The following TCOF1 variants were observed in gnomAD, a reference collection of about 807,000 sequenced individuals.
The protein encoded by TCOF1 is treacle ribosome biogenesis factor 1.
In TCOF1, 33 loss-of-function variants were observed where a neutral mutation model predicts 149.0. The ratio of observed to expected loss-of-function variants is 0.22; its 90% CI spans 0.17 to 0.30. The LOEUF is 0.30. TCOF1 is among the 10% of genes least tolerant of loss of function. The pLI, the probability that TCOF1 is intolerant of heterozygous loss-of-function variation, is 1.00. For synonymous variants in TCOF1, 789 were observed against 738.8 expected (o/e 1.07, Z -1.10); for missense variants, 1,728 against 1,840.7 (o/e 0.94, Z 1.12).
chr5:150,379,758 A>G lies in TCOF1; in HGVS notation c.2859+26A>G, dbSNP rs151344574. The G allele has an allele frequency of 1.9e-3, 3,087 of 1,610,050 alleles. 4 individuals are homozygous for G. The highest frequency in any genetic ancestry group is 2.4e-3 in the Non-Finnish European group (2,829 of 1,178,128). ...GTAAGACTTGCCAGGCCTCTGAGCC[A>G]CCAACACTCACTCCTCAGAACGGGG... is the stretch of plus-strand genomic sequence containing the variant. On this transcript the variant is annotated intron_variant, in intron 17 of 26. Coordinates refer to ENST00000643257, the MANE Select transcript of TCOF1 (RefSeq NM_001371623.1).
chr5:150,383,252 C>A, intron 17 of TCOF1: 1 of 1,240,456 alleles, frequency 8.1e-7, no homozygotes, highest in Non-Finnish European at 1.1e-6. Flanking sequence ...CAGATCTTGC[C>A]CATAGGGAAA....
chr5:150,367,826 G>A lies in TCOF1; in HGVS notation c.305-18G>A. 1.2e-6 allele frequency: 2 copies of A among 1,614,050 alleles called. No homozygotes were observed. The highest frequency in any genetic ancestry group is 1.7e-6 in the Non-Finnish European group (2 of 1,179,968). ...AAAAGCTCATCTGGCTCCTTTAGCA[G>A]ATGTTTGTTTCTTGCAGCCCCAAGA... is the stretch of plus-strand genomic sequence containing the variant. On this transcript the variant is annotated intron_variant, in intron 3 of 26. Coordinates refer to ENST00000643257, the MANE Select transcript of TCOF1 (RefSeq NM_001371623.1).
chr5:150,392,519 C>G, intron 21 of TCOF1, 186 bp from the exon 22 acceptor site: 1 of 642,680 alleles, frequency 1.6e-6, no homozygotes, highest in Non-Finnish European at 2.7e-6. Context: ...AATGTCGCAC[C>G]TAGCATGCTG....
chr5:150,370,485 A>G (rs572649785), intron 6 of TCOF1, among the ~76,000 whole-genome samples: 1 of 152,272 alleles, frequency 6.6e-6, no homozygotes, highest in South Asian at 2.1e-4. Context: ...CCTCCCAAGT[A>G]GCTGGGATTA....
rs1761934016 is a variant in TCOF1 at position 150,368,867 on chromosome 5, G to T, written c.530G>T (p.Gly177Val). ...TTLVSETEEE[G>V]SVPAFGAAAK... ...TTGGTCTCAGAAACTGAGGAGGAGGGCAGCGTCCCGGCCTTTGGAGCTGCT... is the reference window on the plus strand; with the variant it reads ...TTGGTCTCAGAAACTGAGGAGGAGGTCAGCGTCCCGGCCTTTGGAGCTGCT... The change falls in exon 5 of 27, where the codon GGC becomes GTC. Residue 177 changes from glycine to valine, a missense_variant. Coordinates refer to ENST00000643257, the MANE Select transcript of TCOF1 (RefSeq NM_001371623.1). 1 of 1,613,760 alleles carries T rather than the reference G, an allele frequency of 6.2e-7. No homozygotes were observed. The highest frequency in any genetic ancestry group is 8.5e-7 in the Non-Finnish European group (1 of 1,180,036).
intron 22 of TCOF1, chr5:150,393,031 C>T: frequency 3.3e-6 from 2 of 604,166 alleles, no homozygotes; most frequent in Non-Finnish European, 5.8e-6. Context: ...AGGGATTGAC[C>T]TTGATTCTGG....
chr5:150,359,874 A>G (rs1191002926), intron 1 of TCOF1, among the ~76,000 whole-genome samples: 1 of 152,230 alleles, frequency 6.6e-6, no homozygotes, highest in East Asian at 1.9e-4. Flanking sequence ...TCAGACTTCG[A>G]TTATAAGTAG....
rs1768574538 is a variant in TCOF1, at chr5:150,396,619, G to A, written c.4122G>A (p.Gly1374=). 5 of 1,594,304 alleles carry A rather than the reference G, an allele frequency of 3.1e-6. No individual in the cohort carries two copies. Among genetic ancestry groups the A allele is most frequent in the Non-Finnish European group, 3.4e-6 (4 of 1,169,772 alleles). ...AGAAGCTGGGGGCCGGGGAAGGTGG[G>A]GAGGCCTCTGTTTCCCCAGAAAAGA... ...KKKKLGAGEG[G]EASVSPEKTS... The change falls in exon 24 of 27, where the codon GGG becomes GGA. Residue 1374 remains glycine (G), a synonymous_variant. Coordinates refer to ENST00000643257, the MANE Select transcript of TCOF1 (RefSeq NM_001371623.1).
At position 150,372,191 on chromosome 5, in the gene TCOF1, G is replaced by A; in HGVS notation, c.825G>A (p.Glu275=). Residue 275 remains glutamate, a synonymous_variant, in exon 7 of 27, where the codon GAG becomes GAA. Coordinates refer to ENST00000643257, the MANE Select transcript of TCOF1 (RefSeq NM_001371623.1). ...KPEEESESSE[E]GSESEEEAPA... The stretch of plus-strand genomic sequence containing the variant: ...AAGAGGAGTCAGAGAGTAGTGAGGA[G>A]GGATCTGAAAGTGAGGAGGAGGCCC... 2 of 1,602,282 alleles carry A rather than the reference G, an allele frequency of 1.2e-6. No homozygotes were observed. The highest frequency in any genetic ancestry group is 1.7e-6 in the Non-Finnish European group (2 of 1,169,560).
At chr5:150,373,007 G>A (rs191236225) in intron 7 of TCOF1, among the ~76,000 whole-genome samples, 3 of 152,284 alleles carry the variant, frequency 2.0e-5, no homozygotes, top group East Asian at 1.9e-4. Flanking sequence ...GAACTTCTAC[G>A]CCTCGGCTGT....
In TCOF1 at chr5:150,358,827, ACT is replaced by A. The variant is rs555732282; in HGVS notation, c.108+976_108+977del. ...ACTCCAGCCTGGGCGATAAAGCGAG[ACT>A]CTGCCTCAAAAAAAAAAGAGAGATG... On this transcript the variant is annotated intron_variant, in intron 1 of 26. Coordinates refer to ENST00000643257, the MANE Select transcript of TCOF1 (RefSeq NM_001371623.1). 3.1e-3 allele frequency among the ~76,000 whole-genome samples: 477 copies of A among 151,768 alleles called. 4 individuals are homozygous for A. Among genetic ancestry groups the A allele is most frequent in the African/African-American group, 0.011 (457 of 41,356 alleles).
chr5:150,384,454 G>A (rs1350545108), intron 17 of TCOF1: 1 of 985,340 alleles, frequency 1.0e-6, no homozygotes, highest in Non-Finnish European at 1.2e-6. Flanking sequence ...CTGACCCGTT[G>A]CCTGGTGCTG....
chr5:150,377,590 C>T (rs1047228686), intron 14 of TCOF1, among the ~76,000 whole-genome samples: 3 of 152,182 alleles, frequency 2.0e-5, no homozygotes, highest in African/African-American at 2.4e-5. Flanking sequence ...GCACACATTT[C>T]TACTGATTTT....
At chr5:150,368,659 T>C (rs1194791096) in intron 4 of TCOF1, 57 bp from the exon 5 acceptor site, 2 of 1,605,384 alleles carry the variant, frequency 1.2e-6, no homozygotes, top group Non-Finnish European at 1.7e-6. Context: ...GCAAGTGGCC[T>C]GTGCTCTTAG....
chr5:150,392,317 T>A (rs1581205102), intron 21 of TCOF1, 141 bp downstream of exon 21: 1 of 800,144 alleles, frequency 1.2e-6, no homozygotes, highest in Non-Finnish European at 1.9e-6. Flanking sequence ...TTTCCCCACC[T>A]GTACAACTTC....
At chr5:150,373,186 T>C (rs1251873605) in intron 7 of TCOF1, among the ~76,000 whole-genome samples, 1 of 151,958 alleles carries the variant, frequency 6.6e-6, no homozygotes, top group East Asian at 1.9e-4. Context: ...TAGCTAGGAA[T>C]ACAGGCACAC....
In TCOF1 at chr5:150,396,710, G is replaced by C; in HGVS notation, c.4213G>C (p.Gly1405Arg). ...AAGTGGTGATGTCAAGGAGAAGAAA[G>C]GGAAGGGGTCTCTTGGCTCCCAAGG... is the stretch of plus-strand genomic sequence containing the variant. ...KASGDVKEKK[G>R]KGSLGSQGAK... Residue 1405 changes from glycine to arginine, a missense_variant, in exon 24 of 27, where the codon GGG becomes CGG. Around this residue, in one of 2 missense-constraint regions of TCOF1, gnomAD observed 1,696 missense variants for 1,765.4 expected, o/e 0.96. Transcript: ENST00000643257. 2 of 1,612,962 alleles carry C rather than the reference G, an allele frequency of 1.2e-6. No homozygotes were observed. The highest frequency in any genetic ancestry group is 1.7e-6 in the Non-Finnish European group (2 of 1,179,676).
At chr5:150,399,510 C>T (rs571383359) in intron 26 of TCOF1, among the ~76,000 whole-genome samples, 1 of 152,128 alleles carries the variant, frequency 6.6e-6, no homozygotes, top group Non-Finnish European at 1.5e-5. Context: ...CTATGGAGGA[C>T]AGGCCCTGCC....
intron 1 of TCOF1, among the ~76,000 whole-genome samples, chr5:150,358,605 G>A (rs1329819054): frequency 6.6e-6 from 1 of 152,188 alleles, no homozygotes; most frequent in Non-Finnish European, 1.5e-5. Context: ...GGGAGGCCGA[G>A]ACTAGCGGAT....
Sources: allele counts gnomAD v4.1 joint callset (sites outside exome capture counted in the v4.1 genomes callset), GRCh38; gene constraint gnomAD v4.1.1; regional missense constraint gnomAD v4.1.1; transcripts MANE v1.5; gene names NCBI Gene and HGNC (gene_info 2026-07-23, HGNC 2026-07-21).